The following TMEM150B variants were observed in gnomAD, a reference collection of about 807,000 sequenced individuals.
TMEM150B encodes transmembrane protein 150B.
A neutral mutation model predicts 25.2 loss-of-function variants in TMEM150B; 33 were observed. The ratio of observed to expected loss-of-function variants is 1.31; its 90% CI spans 0.99 to 1.75. TMEM150B has a LOEUF of 1.75. TMEM150B is among the 40% of genes most tolerant of loss of function. The probability of loss-of-function intolerance (pLI) is 0.00; values close to 1 mark genes in which losing one functional copy is unlikely to be tolerated. For missense variants in TMEM150B, 322 were observed against 306.1 expected (o/e 1.05, Z -0.39); for synonymous variants, 133 against 134.8 (o/e 0.99, Z 0.09).
At position 55,316,918 on chromosome 19, in the gene TMEM150B, T is replaced by C. The variant is rs199669425; in HGVS notation, c.373A>G (p.Ile125Val). Residue 125 changes from isoleucine (I) to valine (V), a missense_variant, in exon 7 of 8, where the codon ATC (isoleucine) becomes GTC (valine). By Grantham distance (29) the Ile-to-Val change is conservative. Transcript: ENST00000326652. ...THLAGAFLAF[I>V]LGNVYFWLQL... ...AGCCAGAAGTAGACGTTACCCAAGA[T>C]GAAGGCAAGGAAGGCCCCTGCCAAG... The C allele has an allele frequency of 1.4e-4, 227 of 1,607,122 alleles. No individual in the cohort carries two copies. Among genetic ancestry groups the C allele is most frequent in the Non-Finnish European group, 1.7e-4 (204 of 1,177,796 alleles).
At chr19:55,316,468 G>A (rs747109368) in intron 7 of TMEM150B, among the ~76,000 whole-genome samples, 9 of 151,854 alleles carry the variant, frequency 5.9e-5, no homozygotes, top group Non-Finnish European at 1.0e-4. Context: ...TCTAAGCACC[G>A]TATGCCTATT....
At chr19:55,319,895 C>T in intron 6 of TMEM150B, 144 bp downstream of exon 6, 2 of 1,466,184 alleles carry the variant, frequency 1.4e-6, no homozygotes, top group Non-Finnish European at 9.0e-7. Context: ...GGTCCAAGGC[C>T]ACTGGCCAGA....
intron 2 of TMEM150B, among the ~76,000 whole-genome samples, chr19:55,321,455 C>T (rs1488540214): frequency 6.6e-6 from 1 of 152,038 alleles, no homozygotes. Flanking sequence ...GGATGGGGCT[C>T]AGACAGGCCA....
chr19:55,322,607 C>T (rs962535504), intron 2 of TMEM150B, 41 bp downstream of exon 2: 9 of 948,328 alleles, frequency 9.5e-6, no homozygotes, highest in East Asian at 1.2e-4. Context: ...CCAGCCCCTC[C>T]GTGCACCTCC....
downstream of TMEM150B, among the ~76,000 whole-genome samples, chr19:55,310,158 G>A (rs2123007583): frequency 6.6e-6 from 1 of 152,328 alleles, no homozygotes; most frequent in Non-Finnish European, 1.5e-5. The surrounding 1 kb of genome is among the most constrained non-coding windows in gnomAD (Gnocchi z 5.0). Context: ...CAGCCTTGGT[G>A]GCTGAAACAA....
rs192586608 is a variant in TMEM150B at position 55,321,061 on chromosome 19, G to T, written c.-25C>A. The T allele has an allele frequency of 4.4e-6, 7 of 1,606,468 alleles. No homozygotes were observed. The highest frequency in any genetic ancestry group is 6.0e-6 in the Non-Finnish European group (7 of 1,176,244). ...TGCCGGGCTCTGCAGGTGAAGGATCGGGGCTGAGGCTGGACACCTGTCTCT... is the reference window on the plus strand; with the variant it reads ...TGCCGGGCTCTGCAGGTGAAGGATCTGGGCTGAGGCTGGACACCTGTCTCT... On this transcript the variant is annotated 5_prime_UTR_variant, in exon 3 of 8. Transcript: ENST00000326652.
chr19:55,325,197 C>T, intron 1 of TMEM150B, 75 bp downstream of exon 1: 1 of 867,948 alleles, frequency 1.2e-6, no homozygotes. Context: ...CCTGCTTGGA[C>T]CCTCCCTGGG....
At chr19:55,311,177 G>A (rs1327569337), downstream of TMEM150B, among the ~76,000 whole-genome samples, 1 of 152,104 alleles carries the variant, frequency 6.6e-6, no homozygotes, top group Non-Finnish European at 1.5e-5. Flanking sequence ...GGCCAGGCTG[G>A]TCTCAAACTC....
downstream of TMEM150B, among the ~76,000 whole-genome samples, chr19:55,309,655 G>A (rs1243275319): frequency 6.6e-6 from 1 of 152,146 alleles, no homozygotes; most frequent in Non-Finnish European, 1.5e-5. Flanking sequence ...CCACCCTCAT[G>A]ACCTCATCAC....
chr19:55,312,533 C>CAAAAAAAAAAAA (rs372052269), downstream of TMEM150B: 32 of 25,706 alleles, frequency 1.2e-3, no homozygotes, highest in South Asian at 5.6e-3. Context: ...CCGCCGGCGG[C>CAAAAAAAAAAAA]AAAAAAAAAA....
At chr19:55,323,424 CTCTG>C (rs1232695512) in intron 1 of TMEM150B, among the ~76,000 whole-genome samples, 2 of 150,682 alleles carry the variant, frequency 1.3e-5, no homozygotes, top group East Asian at 3.9e-4. Flanking sequence ...AAGAGCAAAA[CTCTG>C]TCTCAGAAAA....
At chr19:55,313,129 G>T in intron 7 of TMEM150B, 74 bp from the exon 8 acceptor site, 2 of 1,459,582 alleles carry the variant, frequency 1.4e-6, no homozygotes, top group Non-Finnish European at 1.8e-6. Flanking sequence ...GCCGCCTCGC[G>T]CTGGGCGGAG....
In TMEM150B at chr19:55,322,740, C is replaced by G; in HGVS notation, c.-150G>C. 1 of 985,434 alleles carries G rather than the reference C, an allele frequency of 1.0e-6. No individual in the cohort carries two copies. Among genetic ancestry groups the G allele is most frequent in the Non-Finnish European group, 1.2e-6 (1 of 830,010 alleles). The allele number at this position is 985,434 out of a possible 1,614,324, so 61.0% of individuals were successfully genotyped here. A position where few individuals can be genotyped will look rare whatever the true frequency, so the allele number is the denominator to read the frequency against. On this transcript the variant is annotated 5_prime_UTR_variant, in exon 2 of 8. An upstream start codon of the reference 5' UTR is lost. Coordinates refer to ENST00000326652, the MANE Select transcript of TMEM150B (RefSeq NM_001282011.2). ...GCATTCGGGGTGGGGCTCAGGCAGA[C>G]ATCCTGCAGAGGCAAAGTCCAGGCT...
chr19:55,313,485 C>A (rs2088883113), intron 7 of TMEM150B, among the ~76,000 whole-genome samples: 1 of 152,162 alleles, frequency 6.6e-6, no homozygotes. Flanking sequence ...ATCCACCCCG[C>A]TACCCATGGC....
At chr19:55,312,533 CAAAAAAAAAAAAAAAAA>C (rs372052269), downstream of TMEM150B, 9 of 25,736 alleles carry the variant, frequency 3.5e-4, no homozygotes, top group Non-Finnish European at 5.6e-4. Context: ...CCGCCGGCGG[CAAAAAAAAAAAAAAAAA>C]AAAAAAAAAA....
At chr19:55,318,648 A>G (rs1229413276) in intron 6 of TMEM150B, among the ~76,000 whole-genome samples, 1 of 152,152 alleles carries the variant, frequency 6.6e-6, no homozygotes, top group Non-Finnish European at 1.5e-5. Flanking sequence ...ATATATGTAT[A>G]TATATAAATA....
At chr19:55,320,733 A>G in intron 3 of TMEM150B, 116 bp from the exon 4 acceptor site, 1 of 1,226,526 alleles carries the variant, frequency 8.2e-7, no homozygotes. Flanking sequence ...CCAGGCCCCC[A>G]GCCCCTCCTC....
Position 55,322,508 on chromosome 19 carries a change from GTCC to G in TMEM150B, c.-58+137_-58+139del, listed in dbSNP as rs900573283. 1.2e-5 allele frequency: 3 copies of G among 241,266 alleles called. No homozygotes were observed. In the Admixed American group the frequency reaches 2.0e-4, roughly 16 times the overall value. The allele number at this position is 241,266 out of a possible 1,614,324, so 14.9% of individuals were successfully genotyped here. A position where few individuals can be genotyped will look rare whatever the true frequency, so the allele number is the denominator to read the frequency against. ...GGGGGTCTGATCTAATCGGCCAGCT[GTCC>G]TCCACTCCAAGCAATCTCTTCACCT... On this transcript the variant is annotated intron_variant, in intron 2 of 7. Transcript: ENST00000326652.
intron 2 of TMEM150B, among the ~76,000 whole-genome samples, 169 bp downstream of exon 2, chr19:55,322,479 G>A (rs1600233510): frequency 6.6e-6 from 1 of 152,072 alleles, no homozygotes; most frequent in Non-Finnish European, 1.5e-5. Flanking sequence ...CAGACGTCAC[G>A]GGTGGGGGTC....
Sources: allele counts gnomAD v4.1 joint callset (sites outside exome capture counted in the v4.1 genomes callset), GRCh38; gene constraint gnomAD v4.1.1; non-coding constraint Gnocchi (gnomAD v3.1); transcripts MANE v1.5; gene names NCBI Gene and HGNC (gene_info 2026-07-23, HGNC 2026-07-21).